The following LINGO1 variants were observed in gnomAD, a reference collection of about 807,000 sequenced individuals.
LINGO1 encodes leucine rich repeat and Ig domain containing 1.
A neutral mutation model predicts 37.3 loss-of-function variants in LINGO1; 11 were observed. That is an observed-to-expected ratio of 0.29 (90% CI 0.19 to 0.49). LINGO1 has a LOEUF of 0.49. Ranked by LOEUF, LINGO1 falls within the 20% of genes least tolerant of loss-of-function variation. The pLI, the probability that LINGO1 is intolerant of heterozygous loss-of-function variation, is 0.99. For missense variants in LINGO1, 585 were observed against 878.2 expected (o/e 0.67, Z 4.22); for synonymous variants, 387 against 403.0 (o/e 0.96, Z 0.48).
intron 1 of LINGO1, among the ~76,000 whole-genome samples, chr15:77,769,908 T>C (rs1324922818): frequency 6.6e-6 from 1 of 152,192 alleles, no homozygotes; most frequent in Non-Finnish European, 1.5e-5. Flanking sequence ...CTGCCCCATT[T>C]TCAGGTGAAG....
chr15:77,774,622 ACCCATCAGCCCACCCACCACACAGAG>A (rs1596214997), intron 1 of LINGO1, among the ~76,000 whole-genome samples: 1 of 151,614 alleles, frequency 6.6e-6, no homozygotes, highest in African/African-American at 2.4e-5. Context: ...ACCACACAGA[ACCCATCAGCCCACCCACCACACAGAG>A]CCCATCAGCC....
upstream of LINGO1, among the ~76,000 whole-genome samples, chr15:77,791,650 C>T (rs2076819629): frequency 6.6e-6 from 1 of 152,062 alleles, no homozygotes; most frequent in Admixed American, 6.6e-5. Flanking sequence ...TGGAGGAAGG[C>T]CTGCAGTAGT....
At chr15:77,785,420 C>T (rs8037968) in intron 1 of LINGO1, among the ~76,000 whole-genome samples, 85,016 of 151,956 alleles carry the variant, frequency 0.56, 23,803 homozygotes, top group South Asian at 0.61. Context: ...GGCCCTGGAG[C>T]GTGGGCAGTC....
intron 1 of LINGO1, among the ~76,000 whole-genome samples, chr15:77,755,555 T>C (rs988896995): frequency 3.3e-5 from 5 of 152,234 alleles, no homozygotes; most frequent in Admixed American, 6.5e-5. Context: ...ATAATGTGTG[T>C]AGGGTGGCAG....
chr15:77,801,911 G>A (rs1104793), intron 1 of LINGO1, among the ~76,000 whole-genome samples: 28,555 of 152,144 alleles, frequency 0.19, 3,062 homozygotes, highest in Admixed American at 0.32. Flanking sequence ...GAGGGTCAGG[G>A]GTTTCTCTAG....
intron 3 of LINGO1, among the ~76,000 whole-genome samples, chr15:77,674,774 A>AT (rs34681307): frequency 1.9e-4 from 29 of 150,012 alleles, no homozygotes; most frequent in African/African-American, 4.4e-4. Flanking sequence ...CCTCTGCTTG[A>AT]TTTTTTTTCG....
At position 77,620,459 on chromosome 15, in the gene LINGO1, C is replaced by T. The variant is rs569308870; in HGVS notation, c.7-4559G>A. The stretch of plus-strand genomic sequence containing the variant: ...GTGGGAGGGACAGGCTGCTGGCCAC[C>T]GGCCACACCCTCCTTCATGTCCCGG... On this transcript the variant is annotated intron_variant, in intron 1 of 1. Coordinates refer to ENST00000355300, the MANE Select transcript of LINGO1 (RefSeq NM_032808.7). Among the ~76,000 whole-genome samples, 98 of 152,324 alleles carry T rather than the reference C, an allele frequency of 6.4e-4. No individual in the cohort carries two copies. The East Asian group carries it at 0.017, about 27-fold the overall frequency.
chr15:77,698,412 G>A (rs191547356), upstream of LINGO1, among the ~76,000 whole-genome samples: 3 of 152,300 alleles, frequency 2.0e-5, no homozygotes, highest in Non-Finnish European at 4.4e-5. Flanking sequence ...CCCAACAGAA[G>A]GAAAAACTAA....
intron 1 of LINGO1, among the ~76,000 whole-genome samples, chr15:77,622,382 G>A (rs1028183944): frequency 1.3e-5 from 2 of 152,136 alleles, no homozygotes; most frequent in African/African-American, 4.8e-5. Flanking sequence ...GCACAACTAC[G>A]TTCCCAGCCC....
intron 1 of LINGO1, among the ~76,000 whole-genome samples, chr15:77,623,605 C>T (rs1227858840): frequency 2.6e-5 from 4 of 152,192 alleles, no homozygotes; most frequent in Non-Finnish European, 5.9e-5. Flanking sequence ...GAAAGCCTGG[C>T]GGACTGCGCG....
At chr15:77,714,380 C>T (rs1159061030) in intron 2 of LINGO1, among the ~76,000 whole-genome samples, 1 of 152,172 alleles carries the variant, frequency 6.6e-6, no homozygotes, top group Non-Finnish European at 1.5e-5. Context: ...TGTCACCACC[C>T]TTGCTTAACC....
chr15:77,757,057 C>A (rs1223566417), intron 1 of LINGO1, among the ~76,000 whole-genome samples: 1 of 152,206 alleles, frequency 6.6e-6, no homozygotes, highest in African/African-American at 2.4e-5. Flanking sequence ...GGAAGGATCC[C>A]ACAGTCTTTG....
At chr15:77,815,495 A>C (rs1475253535) in intron 1 of LINGO1, among the ~76,000 whole-genome samples, 1 of 152,058 alleles carries the variant, frequency 6.6e-6, no homozygotes, top group Non-Finnish European at 1.5e-5. Context: ...ATCCCACTCA[A>C]ACTCACTCCA....
intron 1 of LINGO1, among the ~76,000 whole-genome samples, chr15:77,735,418 C>T (rs920617447): frequency 1.3e-5 from 2 of 152,234 alleles, no homozygotes; most frequent in Admixed American, 1.3e-4. Flanking sequence ...ACACACAGGG[C>T]TGAACCTCAA....
intron 1 of LINGO1, among the ~76,000 whole-genome samples, chr15:77,743,722 C>T (rs376341953): frequency 3.3e-5 from 5 of 151,614 alleles, no homozygotes; most frequent in African/African-American, 9.7e-5. Flanking sequence ...AACCCAGGGG[C>T]GCAGGAGGGA....
At chr15:77,812,557 C>T (rs533475681) in intron 1 of LINGO1, among the ~76,000 whole-genome samples, 9 of 152,328 alleles carry the variant, frequency 5.9e-5, no homozygotes, top group Non-Finnish European at 1.2e-4. Flanking sequence ...CCCACCCTGG[C>T]GGTGTGGGTC....
intron 2 of LINGO1, among the ~76,000 whole-genome samples, chr15:77,719,280 C>T (rs574016845): frequency 6.7e-6 from 1 of 150,130 alleles, no homozygotes; most frequent in East Asian, 2.1e-4. Flanking sequence ...AGTGAGGAAC[C>T]CCACAAAGTC....
At chr15:77,663,761 C>T (rs1356070701) in intron 3 of LINGO1, among the ~76,000 whole-genome samples, 1 of 152,198 alleles carries the variant, frequency 6.6e-6, no homozygotes, top group African/African-American at 2.4e-5. Context: ...ATCCCAAGTC[C>T]CAGGGGCTGA....
rs560317705 is a variant in LINGO1, at chr15:77,615,575, T to G, written c.332A>C (p.Glu111Ala). The G allele has an allele frequency of 6.2e-7, 1 of 1,611,744 alleles. No individual in the cohort carries two copies. The highest frequency in any genetic ancestry group is 8.5e-7 in the Non-Finnish European group (1 of 1,178,836). Residue 111 changes from glutamate (E) to alanine (A), a missense_variant, in exon 2 of 2, where the codon GAG becomes GCG. Physicochemically the swap from Glu to Ala is moderately radical, Grantham distance 107. This residue lies in a region of LINGO1 where 484 missense variants were observed against 735.0 expected (regional missense o/e 0.66). Transcript: ENST00000355300. ...ELNENIVSAVEPGAFNNLFNL... is the reference protein window; with the variant it reads ...ELNENIVSAVAPGAFNNLFNL... ...GAAGAGGTTGTTGAAGGCGCCGGGC[T>G]CCACGGCGCTCACGATGTTCTCGTT...
Sources: gnomAD v4.1 joint callset for allele counts (sites outside exome capture counted in the v4.1 genomes callset) on GRCh38, gnomAD v4.1.1 for gene constraint, gnomAD v4.1.1 regional missense constraint, MANE v1.5 for transcripts, NCBI Gene and HGNC (gene_info 2026-07-23, HGNC 2026-07-21) for gene names.